BMPR1B: variants seen among roughly 807,000 people sequenced by gnomAD.
The protein encoded by BMPR1B is bone morphogenetic protein receptor type-1B.
Under a neutral mutation model 59.1 loss-of-function variants are expected in BMPR1B, and 12 were observed. That is an observed-to-expected ratio of 0.20 (90% CI 0.13 to 0.33). The LOEUF is 0.33. Among genes scored for constraint, BMPR1B ranks in the 10% least tolerant of loss-of-function variants. The pLI is 1.00. For missense variants in BMPR1B, 550 were observed against 610.9 expected, an observed-to-expected ratio of 0.90 and a Z score of 1.05; for synonymous variants, 237 against 207.3, an observed-to-expected ratio of 1.14 and a Z score of -1.23.
intron 1 of BMPR1B, among the ~76,000 whole-genome samples, chr4:94,793,286 T>C (rs555333970): frequency 1.4e-4 from 22 of 152,124 alleles, no homozygotes; most frequent in African/African-American, 4.8e-4. Context: ...TTTGTTCTTG[T>C]GATAGTTTAC....
chr4:94,770,888 C>CAAAAAAAAAAAAA (rs11292596), intron 1 of BMPR1B, among the ~76,000 whole-genome samples: 2 of 88,296 alleles, frequency 2.3e-5, no homozygotes, highest in Non-Finnish European at 2.3e-5. Flanking sequence ...ATTAGCCCTG[C>CAAAAAAAAAAAAA]AAAAAAAAAA....
At chr4:94,937,707 A>AACACAAACAC in intron 2 of BMPR1B, among the ~76,000 whole-genome samples, 1 of 151,196 alleles carries the variant, frequency 6.6e-6, no homozygotes, top group East Asian at 1.9e-4. Flanking sequence ...TATATGTATA[A>AACACAAACAC]ACACACACAC....
chr4:94,858,024 C>T (rs1201934557), intron 1 of BMPR1B, among the ~76,000 whole-genome samples: 2 of 152,142 alleles, frequency 1.3e-5, no homozygotes, highest in Admixed American at 6.5e-5. Context: ...TGGCTCACTG[C>T]AAGCTCTGCC....
chr4:94,778,848 CT>C (rs1202841299), intron 1 of BMPR1B, among the ~76,000 whole-genome samples: 3 of 151,770 alleles, frequency 2.0e-5, no homozygotes, highest in Non-Finnish European at 2.9e-5. Context: ...CTGTTCATAT[CT>C]TTTGCTGATT....
chr4:95,010,690 AC>A (rs1459352168), intron 3 of BMPR1B, among the ~76,000 whole-genome samples: 1 of 152,180 alleles, frequency 6.6e-6, no homozygotes, highest in Non-Finnish European at 1.5e-5. Flanking sequence ...GAAATCTGTT[AC>A]CCCTTAATCC....
chr4:94,934,204 A>G (rs1578819459), intron 2 of BMPR1B, among the ~76,000 whole-genome samples: 1 of 152,218 alleles, frequency 6.6e-6, no homozygotes, highest in Non-Finnish European at 1.5e-5. Context: ...GATTCATCAT[A>G]TGAAATCATG....
intron 2 of BMPR1B, among the ~76,000 whole-genome samples, chr4:94,888,864 A>G (rs1387977959): frequency 1.3e-5 from 2 of 152,110 alleles, no homozygotes; most frequent in African/African-American, 4.8e-5. Flanking sequence ...ATCATGATAT[A>G]TCATAATGAT....
intron 1 of BMPR1B, among the ~76,000 whole-genome samples, chr4:94,777,548 A>G (rs1373669686): frequency 6.6e-6 from 1 of 152,202 alleles, no homozygotes; most frequent in East Asian, 1.9e-4. Flanking sequence ...CTATTAATTC[A>G]TACAGAAATC....
chr4:94,800,111 C>G (rs751086143), intron 1 of BMPR1B, among the ~76,000 whole-genome samples: 1 of 152,140 alleles, frequency 6.6e-6, no homozygotes, highest in Non-Finnish European at 1.5e-5. Flanking sequence ...TTGTCATTTG[C>G]CTCTGTCTTT....
At chr4:95,096,529 G>A (rs923335207) in intron 3 of BMPR1B, among the ~76,000 whole-genome samples, 8 of 150,370 alleles carry the variant, frequency 5.3e-5, no homozygotes, top group East Asian at 3.9e-4. Flanking sequence ...TAATTTAGTC[G>A]TGATTCAGTA....
At chr4:95,026,118 C>CTTTCTTTCTTTCTTTCTTTCTTTT (rs1560602945) in intron 3 of BMPR1B, among the ~76,000 whole-genome samples, 2 of 143,314 alleles carry the variant, frequency 1.4e-5, no homozygotes, top group African/African-American at 2.7e-5. Flanking sequence ...TTCTTTCTTT[C>CTTTCTTTCTTTCTTTCTTTCTTTT]TTTCTTTCTT....
Position 94,841,084 on chromosome 4 carries a change from G to T in BMPR1B, c.-182-34747G>T, listed in dbSNP as rs191481449. 2.4e-3 allele frequency among the ~76,000 whole-genome samples: 350 copies of T among 148,590 alleles called. 21 individuals are homozygous for T. Among genetic ancestry groups the T allele is most frequent in the African/African-American group, 8.4e-3 (340 of 40,372 alleles). On this transcript the variant is annotated intron_variant, in intron 1 of 12. Coordinates refer to ENST00000515059, the MANE Select transcript of BMPR1B (RefSeq NM_001203.3). ...CCCAGTTAGGCTGTTCGGGTGTCAG[G>T]GGTCAGGGACCCACTTGAGGAGGCA...
intron 2 of BMPR1B, among the ~76,000 whole-genome samples, chr4:94,929,565 GTGC>G (rs1432437455): frequency 6.6e-6 from 1 of 152,014 alleles, no homozygotes; most frequent in Non-Finnish European, 1.5e-5. Context: ...CTGACCACTT[GTGC>G]TGCTGCTGCT....
At chr4:94,807,369 A>C (rs1187315369) in intron 1 of BMPR1B, among the ~76,000 whole-genome samples, 3 of 152,190 alleles carry the variant, frequency 2.0e-5, no homozygotes, top group African/African-American at 4.8e-5. Context: ...CTGGGATTGC[A>C]GGTGTGAGCC....
At chr4:94,814,936 T>G (rs1272940936) in intron 1 of BMPR1B, among the ~76,000 whole-genome samples, 1 of 152,068 alleles carries the variant, frequency 6.6e-6, no homozygotes, top group Non-Finnish European at 1.5e-5. Context: ...GGAATTTCGC[T>G]CTTGTTGCCT....
Position 94,917,737 on chromosome 4 carries a change from C to T in BMPR1B, c.-113+41837C>T, listed in dbSNP as rs535636705. 2.0e-4 allele frequency among the ~76,000 whole-genome samples: 31 copies of T among 152,212 alleles called. No homozygotes were observed. In the South Asian group the frequency reaches 4.8e-3, roughly 23 times the overall value. Reference sequence around the variant, plus strand: ...GAGTTAGTGCTGGAATGAGTTAAGACTGTTGGGAAGGCATGATTATATTTT... The same window carrying T: ...GAGTTAGTGCTGGAATGAGTTAAGATTGTTGGGAAGGCATGATTATATTTT... On this transcript the variant is annotated intron_variant, in intron 2 of 12. Transcript: ENST00000515059.
intron 1 of BMPR1B, among the ~76,000 whole-genome samples, chr4:94,870,930 C>G (rs1166750837): frequency 6.6e-6 from 1 of 151,876 alleles, no homozygotes; most frequent in Non-Finnish European, 1.5e-5. Context: ...CTGAACATCC[C>G]AAGTTCTCAA....
intron 6 of BMPR1B, among the ~76,000 whole-genome samples, chr4:95,123,439 A>G (rs1732671915): frequency 1.3e-5 from 2 of 152,156 alleles, no homozygotes; most frequent in Admixed American, 1.3e-4. Context: ...CAGAGACCAC[A>G]TGAGAAGAGC....
chr4:94,878,807 C>T (rs1295518480), intron 2 of BMPR1B, among the ~76,000 whole-genome samples: 2 of 147,320 alleles, frequency 1.4e-5, no homozygotes, highest in Non-Finnish European at 3.0e-5. Context: ...GTTCCCAGTT[C>T]ATGTGTTTTC....
Sources: allele counts gnomAD v4.1 joint callset (sites outside exome capture counted in the v4.1 genomes callset), GRCh38; gene constraint gnomAD v4.1.1; transcripts MANE v1.5; gene names NCBI Gene and HGNC (gene_info 2026-07-23, HGNC 2026-07-21).